ORC3: variants seen among roughly 807,000 people sequenced by gnomAD.
The protein encoded by ORC3 is homolog of latheo, Drosophila.
ORC3 carries 78 observed loss-of-function variants against 100.7 expected under a neutral mutation model. The observed-to-expected ratio is 0.77, with a 90% CI of 0.65 to 0.94. The LOEUF (loss-of-function observed/expected upper bound fraction) is 0.94, where lower values mean the gene tolerates loss of function less well. Among genes scored for constraint, ORC3 ranks in the 40% least tolerant of loss-of-function variants. ORC3 has a pLI of 0.00. For synonymous variants in ORC3, 295 were observed against 289.3 expected, an observed-to-expected ratio of 1.02 and a Z score of -0.20; for missense variants, 789 against 823.9, an observed-to-expected ratio of 0.96 and a Z score of 0.52.
At chr6:87,652,583 G>A (rs143547278) in intron 13 of ORC3, among the ~76,000 whole-genome samples, 1 of 152,344 alleles carries the variant, frequency 6.6e-6, no homozygotes, top group East Asian at 1.9e-4. Context: ...AGAGAAATGA[G>A]TGTACTATTT....
At chr6:87,640,102 G>A (rs1163464139) in intron 13 of ORC3, among the ~76,000 whole-genome samples, 1 of 151,668 alleles carries the variant, frequency 6.6e-6, no homozygotes, top group Non-Finnish European at 1.5e-5. Context: ...TTAGTGGTGG[G>A]AAACCCTTAT....
At chr6:87,617,702 C>G (rs1327785602) in intron 9 of ORC3, among the ~76,000 whole-genome samples, 2 of 152,176 alleles carry the variant, frequency 1.3e-5, no homozygotes, top group South Asian at 4.1e-4. Flanking sequence ...TCACTGCACT[C>G]TAGCCTGGGT....
At chr6:87,640,190 G>A (rs1403603888) in intron 13 of ORC3, among the ~76,000 whole-genome samples, 1 of 152,062 alleles carries the variant, frequency 6.6e-6, no homozygotes, top group Non-Finnish European at 1.5e-5. Flanking sequence ...CAATAAAACT[G>A]TTGAAACCTG....
At chr6:87,599,759 T>G (rs1777754102) in intron 2 of ORC3, among the ~76,000 whole-genome samples, 1 of 151,768 alleles carries the variant, frequency 6.6e-6, no homozygotes, top group Non-Finnish European at 1.5e-5. Flanking sequence ...GCAGATCACT[T>G]GAGGTCAGGT....
chr6:87,595,133 A>G (rs1777339339), intron 2 of ORC3: 1 of 152,242 alleles, frequency 6.6e-6, no homozygotes, highest in African/African-American at 2.4e-5. Flanking sequence ...ACATCAATAC[A>G]TGCTGAGAAA....
the ORC3 span, among the ~76,000 whole-genome samples, chr6:87,674,647 T>A: frequency 4.0e-5 from 6 of 148,362 alleles, no homozygotes; most frequent in African/African-American, 1.5e-4. Flanking sequence ...TATATATTTT[T>A]TTTTTTTTAG....
intron 11 of ORC3, among the ~76,000 whole-genome samples, chr6:87,626,960 T>C (rs1779946508): frequency 6.6e-6 from 1 of 152,010 alleles, no homozygotes; most frequent in Non-Finnish European, 1.5e-5. Context: ...AAAATTAAGA[T>C]CAATATGAAC....
In ORC3 at chr6:87,624,853, C is replaced by T. The variant is rs905463086; in HGVS notation, c.1185+2840C>T. 1.2e-4 allele frequency among the ~76,000 whole-genome samples: 19 copies of T among 152,104 alleles called. 1 individual carries two copies. The highest frequency in any genetic ancestry group is 6.6e-4 in the Admixed American group (10 of 15,260). On this transcript the variant is annotated intron_variant, in intron 11 of 19. Coordinates refer to ENST00000392844, the MANE Select transcript of ORC3 (RefSeq NM_012381.4). ...TGCTATCCTTCCCCCAGCACCCCCA[C>T]CCACCAACAGGCCCTGGTGTGTGAT...
chr6:87,616,518 A>T, intron 9 of ORC3, 91 bp downstream of exon 9: 1 of 563,252 alleles, frequency 1.8e-6, no homozygotes, highest in Non-Finnish European at 3.3e-6. Context: ...TAGGCATTTT[A>T]AATGGCAAAA....
chr6:87,613,502 C>A (rs1158574252), intron 8 of ORC3, among the ~76,000 whole-genome samples: 1 of 152,190 alleles, frequency 6.6e-6, no homozygotes, highest in Non-Finnish European at 1.5e-5. Flanking sequence ...TCCCAACAGT[C>A]CCCCAAAGTC....
intron 17 of ORC3, among the ~76,000 whole-genome samples, chr6:87,663,899 A>T (rs964486469): frequency 1.3e-5 from 2 of 152,210 alleles, no homozygotes; most frequent in Non-Finnish European, 2.9e-5. Flanking sequence ...ACCTATGAAG[A>T]GCATTCCAGT....
At chr6:87,605,129 A>T (rs1183854656) in intron 4 of ORC3, among the ~76,000 whole-genome samples, 1 of 152,140 alleles carries the variant, frequency 6.6e-6, no homozygotes, top group Non-Finnish European at 1.5e-5. Flanking sequence ...AGAAATGAAA[A>T]CCAGGGATTC....
chr6:87,599,725 C>T (rs137955175), intron 2 of ORC3, among the ~76,000 whole-genome samples: 149 of 139,538 alleles, frequency 1.1e-3, no homozygotes, highest in African/African-American at 3.6e-3. Flanking sequence ...CCTGTAATAC[C>T]AGCACTTTGG....
At chr6:87,594,309 C>A in intron 1 of ORC3, 44 bp from the exon 2 acceptor site, 1 of 1,423,582 alleles carries the variant, frequency 7.0e-7, no homozygotes, top group South Asian at 1.3e-5. Flanking sequence ...TTTCTCTGCT[C>A]CTTGGCTACT....
intron 2 of ORC3, chr6:87,594,756 C>T (rs866397780): frequency 8.0e-5 from 15 of 188,472 alleles, no homozygotes; most frequent in Middle Eastern, 2.2e-3. Flanking sequence ...CATTTTGATC[C>T]TTGATGAAGT....
chr6:87,631,043 AT>A lies in ORC3; in HGVS notation c.1186-3784del, dbSNP rs11414874. 2.8e-3 allele frequency among the ~76,000 whole-genome samples: 377 copies of A among 136,542 alleles called. 2 individuals carry two copies. The highest frequency in any genetic ancestry group is 0.021 in the East Asian group (101 of 4,746). The allele number at this position is 136,542 out of a possible 152,430, so 89.6% of individuals were successfully genotyped here. A position where few individuals can be genotyped will look rare whatever the true frequency, so the allele number is the denominator to read the frequency against. ...ATGCCACCATGCCCAGCTAATTTAAATTTTTTTTTTTTTTTTTTGTAGAGAC... is the reference window on the plus strand; with the variant it reads ...ATGCCACCATGCCCAGCTAATTTAAATTTTTTTTTTTTTTTTTGTAGAGAC... On this transcript the variant is annotated intron_variant, in intron 11 of 19. Coordinates refer to ENST00000392844, the MANE Select transcript of ORC3 (RefSeq NM_012381.4).
rs1227244733 is a variant in ORC3, at chr6:87,634,901, G to C, written c.1242G>C (p.Leu414=). 1 of 1,608,516 alleles carries C rather than the reference G, an allele frequency of 6.2e-7. No individual in the cohort carries two copies. The highest frequency in any genetic ancestry group is 2.2e-5 in the East Asian group (1 of 44,858). ...ATGTTTATCATATGAATTACTTCCT[G>C]GTTTTGAGATGTCTTCATAAGTTCA... ...NLHVYHMNYF[L]VLRCLHKFTS... is the part of the protein sequence containing the mutation. The change falls in exon 12 of 20, where the codon CTG becomes CTC. Residue 414 remains leucine, a synonymous_variant. Transcript: ENST00000392844.
rs775988113 is a variant in ORC3 at position 87,606,031 on chromosome 6, T to C, written c.427+10T>C. 7 of 1,324,640 alleles carry C rather than the reference T, an allele frequency of 5.3e-6. No homozygotes were observed. Among genetic ancestry groups the C allele is most frequent in the African/African-American group, 1.5e-5 (1 of 68,880 alleles). 82.1% of individuals were successfully genotyped at this position (1,324,640 alleles called of 1,614,324 possible). A position where few individuals can be genotyped will look rare whatever the true frequency, so the allele number is the denominator to read the frequency against. On this transcript the variant is annotated intron_variant, in intron 5 of 19. Transcript: ENST00000392844. Reference sequence around the variant, plus strand: ...GCTAAAGATTGTCCAGGTAAAAATATAAATGCCATAATAACCTTGATGAGA... The same window carrying C: ...GCTAAAGATTGTCCAGGTAAAAATACAAATGCCATAATAACCTTGATGAGA...
intron 11 of ORC3, among the ~76,000 whole-genome samples, chr6:87,634,309 C>T (rs765119882): frequency 6.6e-6 from 1 of 152,010 alleles, no homozygotes. Flanking sequence ...AGGGACTCAT[C>T]AGAATCACTT....
Sources: gnomAD v4.1 joint callset for allele counts (sites outside exome capture counted in the v4.1 genomes callset) on GRCh38, gnomAD v4.1.1 for gene constraint, MANE v1.5 for transcripts, NCBI Gene and HGNC (gene_info 2026-07-23, HGNC 2026-07-21) for gene names.